Variants in PCDHGA11 observed in about 807,000 individuals in gnomAD.
PCDHGA11 encodes the protein protocadherin gamma subfamily A, 11.
In PCDHGA11, 39 loss-of-function variants were observed where a neutral mutation model predicts 60.4. The observed-to-expected ratio is 0.65, with a 90% confidence interval of 0.50 to 0.84. The LOEUF (loss-of-function observed/expected upper bound fraction) is 0.84, where lower values mean the gene tolerates loss of function less well. PCDHGA11 is among the 40% of genes least tolerant of loss of function. PCDHGA11 has a pLI of 0.00. For missense variants in PCDHGA11, 1,165 were observed against 1,197.7 expected (o/e 0.97, Z 0.40); for synonymous variants, 533 against 510.3 (o/e 1.04, Z -0.60).
chr5:141,421,794 G>A lies in PCDHGA11; in HGVS notation c.567G>A (p.Gly189=). ...FSLQLRGRTD[G]AKNPELVLEG... is the part of the protein sequence containing the mutation. ...TGCAACTGCGGGGCAGAACGGATGG[G>A]GCCAAGAATCCAGAGCTAGTACTGG... is the stretch of plus-strand genomic sequence containing the variant. Residue 189 remains glycine, a synonymous_variant, in exon 1 of 4, where the codon GGG becomes GGA. Coordinates refer to ENST00000398587, the MANE Select transcript of PCDHGA11 (RefSeq NM_018914.3). 6.2e-7 allele frequency: 1 copy of A among 1,613,788 alleles called. No individual in the cohort carries two copies. Among genetic ancestry groups the A allele is most frequent in the Non-Finnish European group, 8.5e-7 (1 of 1,179,876 alleles).
chr5:141,423,661 GT>G lies in PCDHGA11; in HGVS notation c.2433+2del. ...CAAATGTGACCCGACAAGTAATCAG[GT>G]GAGATTTATTTCTCTGCCTCCTAAT... On this transcript the variant is annotated splice_donor_variant, in intron 1 of 3. Coordinates refer to ENST00000398587, the MANE Select transcript of PCDHGA11 (RefSeq NM_018914.3). LOFTEE classifies it high-confidence loss of function. The G allele has an allele frequency of 6.4e-7, 1 of 1,555,760 alleles. No homozygotes were observed.
chr5:141,474,986 A>G (rs1328341214), intron 1 of PCDHGA11, among the ~76,000 whole-genome samples: 1 of 152,238 alleles, frequency 6.6e-6, no homozygotes, highest in Non-Finnish European at 1.5e-5. Context: ...GTTTGGTGAC[A>G]ACAATTCTAA....
chr5:141,492,230 C>T (rs1286145654), intron 1 of PCDHGA11, among the ~76,000 whole-genome samples: 1 of 152,196 alleles, frequency 6.6e-6, no homozygotes. Flanking sequence ...CGTGTCCTCC[C>T]TGCTGGCCAC....
intron 1 of PCDHGA11, chr5:141,433,252 G>T (rs1398141147): frequency 1.4e-6 from 2 of 1,425,340 alleles, no homozygotes; most frequent in Non-Finnish European, 1.9e-6. Flanking sequence ...GGAATGCAGC[G>T]GTACGATCAT....
At chr5:141,444,788 G>T (rs775248284) in intron 1 of PCDHGA11, among the ~76,000 whole-genome samples, 59 of 151,920 alleles carry the variant, frequency 3.9e-4, no homozygotes, top group Non-Finnish European at 5.7e-4. Context: ...TGTTTCATTT[G>T]TCTATTCTTT....
At position 141,432,432 on chromosome 5, in the gene PCDHGA11, A is replaced by G. The variant is rs1431760497; in HGVS notation, c.2433+8772A>G. On this transcript the variant is annotated intron_variant, in intron 1 of 3. Transcript: ENST00000398587. This position sits in a 1 kb window ranked among gnomAD's most constrained non-coding sequence, Gnocchi z 6.0. ...CTGTTCGTGCTGGACCAGAACGACA[A>G]TGCGCCCGAGATCCTGTACCCCGCC... The G allele has an allele frequency of 2.5e-6, 4 of 1,614,156 alleles. No homozygotes were observed. Among genetic ancestry groups the G allele is most frequent in the Non-Finnish European group, 3.4e-6 (4 of 1,180,028 alleles).
Position 141,476,437 on chromosome 5 carries a change from TCTGGAGTTGGTAGTGGAGAACCC to T in PCDHGA11, c.2434-18369_2434-18347del. ...GGACACTGCCCTCTTGCACTGTAAC[TCTGGAGTTGGTAGTGGAGAACCC>T]GCTGGAGCTGTTCAGCGTGGAAGTG... On this transcript the variant is annotated intron_variant, in intron 1 of 3. Transcript: ENST00000398587. The surrounding 1 kb of genome is among the most constrained non-coding windows in gnomAD (Gnocchi z 7.6). 1 of 1,614,004 alleles carries T rather than the reference TCTGGAGTTGGTAGTGGAGAACCC, an allele frequency of 6.2e-7. No individual in the cohort carries two copies. The highest frequency in any genetic ancestry group is 2.2e-5 in the East Asian group (1 of 44,836).
At chr5:141,452,003 T>C (rs1031228207) in intron 1 of PCDHGA11, among the ~76,000 whole-genome samples, 2 of 152,210 alleles carry the variant, frequency 1.3e-5, no homozygotes, top group Non-Finnish European at 2.9e-5. Context: ...CAAAATCACT[T>C]GGTCCAGCCC....
At position 141,477,226 on chromosome 5, in the gene PCDHGA11, C is replaced by G. The variant is rs779570150; in HGVS notation, c.2434-17581C>G. 59 of 1,614,076 alleles carry G rather than the reference C, an allele frequency of 3.7e-5. No homozygotes were observed. The highest frequency in any genetic ancestry group is 1.3e-4 in the Admixed American group (8 of 60,004). On this transcript the variant is annotated intron_variant, in intron 1 of 3. Coordinates refer to ENST00000398587, the MANE Select transcript of PCDHGA11 (RefSeq NM_018914.3). This position sits in a 1 kb window ranked among gnomAD's most constrained non-coding sequence, Gnocchi z 4.9. ...CCGAGGATGCCCCTCTGGGGACTGT[C>G]ATCGCTTTGCTCAGTGTGACTGACC...
chr5:141,446,353 T>C (rs1278613929), intron 1 of PCDHGA11, among the ~76,000 whole-genome samples: 2 of 152,176 alleles, frequency 1.3e-5, no homozygotes, highest in Non-Finnish European at 2.9e-5. Flanking sequence ...AAGCTACCAT[T>C]TGATGAGAAT....
chr5:141,433,587 G>A (rs1228017153), intron 1 of PCDHGA11, among the ~76,000 whole-genome samples: 1 of 152,068 alleles, frequency 6.6e-6, no homozygotes, highest in African/African-American at 2.4e-5. Flanking sequence ...TGTAATCCCA[G>A]TACTTTGGGA....
chr5:141,489,359 AG>A lies in PCDHGA11; in HGVS notation c.2434-5447del. On this transcript the variant is annotated intron_variant, in intron 1 of 3. Coordinates refer to ENST00000398587, the MANE Select transcript of PCDHGA11 (RefSeq NM_018914.3). The surrounding 1 kb of genome is among the most constrained non-coding windows in gnomAD (Gnocchi z 4.5). ...CGTTACTCAGTGGTGGAGGAGTCTG[AG>A]CCGGGGACGCTGGTGGGGAATGTTG... 1 of 1,613,110 alleles carries A rather than the reference AG, an allele frequency of 6.2e-7. No homozygotes were observed. The highest frequency in any genetic ancestry group is 1.1e-5 in the South Asian group (1 of 90,984).
chr5:141,421,320 G>C lies in PCDHGA11; in HGVS notation c.93G>C (p.Gln31His), dbSNP rs1561793188. The change falls in exon 1 of 4, where the codon CAG (glutamine) becomes CAC (histidine). Residue 31 changes from glutamine to histidine, a missense_variant. Transcript: ENST00000398587. ...LGTLRGFRAR[Q>H]IRYSVPEETE... ...CGCTGCGGGGGTTCCGGGCCAGGCA[G>C]ATCCGATATTCGGTGCCAGAAGAGA... The C allele has an allele frequency of 6.2e-7, 1 of 1,613,904 alleles. No individual in the cohort carries two copies. Among genetic ancestry groups the C allele is most frequent in the East Asian group, 2.2e-5 (1 of 44,884 alleles).
rs540471918 is a variant in PCDHGA11 at position 141,433,283 on chromosome 5, T to C, written c.2433+9623T>C. ...ATCATAGCTCACTGCAGCCTCAAAC[T>C]CCTAGGCTCAAGCAATTATCCCACC... On this transcript the variant is annotated intron_variant, in intron 1 of 3. Coordinates refer to ENST00000398587, the MANE Select transcript of PCDHGA11 (RefSeq NM_018914.3). The C allele has an allele frequency of 4.2e-5, 50 of 1,183,074 alleles. No homozygotes were observed. In the Admixed American group the frequency reaches 7.9e-4, roughly 19 times the overall value. 73.3% of individuals were successfully genotyped at this position (1,183,074 alleles called of 1,614,324 possible).
At chr5:141,461,757 G>A (rs2099022119) in intron 1 of PCDHGA11, among the ~76,000 whole-genome samples, 1 of 151,994 alleles carries the variant, frequency 6.6e-6, no homozygotes, top group Non-Finnish European at 1.5e-5. Context: ...AGATTCAAGC[G>A]ATTCTCCTGC....
intron 1 of PCDHGA11, among the ~76,000 whole-genome samples, chr5:141,484,389 G>A (rs1336850919): frequency 6.6e-6 from 1 of 152,140 alleles, no homozygotes; most frequent in Non-Finnish European, 1.5e-5. Flanking sequence ...GAATAAGAAA[G>A]GTTTGGTTTC....
intron 2 of PCDHGA11, among the ~76,000 whole-genome samples, chr5:141,500,881 T>G (rs940387787): frequency 1.0e-5 from 1 of 99,136 alleles, no homozygotes; most frequent in Non-Finnish European, 1.9e-5. Context: ...TTTACAATTT[T>G]TTTTTTTTGA....
rs368927472 is a variant in PCDHGA11 at position 141,490,874 on chromosome 5, A to G, written c.2434-3933A>G. The G allele has an allele frequency of 2.4e-5, 39 of 1,613,830 alleles. No individual in the cohort carries two copies. Among genetic ancestry groups the G allele is most frequent in the Non-Finnish European group, 3.1e-5 (36 of 1,179,960 alleles). ...CGAGACTCCGGCTCTCCCCCATTGCATGCCAACACATCTCTGCATGTGTTT... is the reference window on the plus strand; with the variant it reads ...CGAGACTCCGGCTCTCCCCCATTGCGTGCCAACACATCTCTGCATGTGTTT... On this transcript the variant is annotated intron_variant, in intron 1 of 3. Transcript: ENST00000398587. This position sits in a 1 kb window ranked among gnomAD's most constrained non-coding sequence, Gnocchi z 5.4.
rs768559201 is a variant in PCDHGA11, at chr5:141,431,344, G to A, written c.2433+7684G>A. Reference sequence around the variant, plus strand: ...ACGGTAGTAAGTACCCCGAATTGGTGCTGAAACGCGCCCTGGACCGCGAAG... The same window carrying A: ...ACGGTAGTAAGTACCCCGAATTGGTACTGAAACGCGCCCTGGACCGCGAAG... On this transcript the variant is annotated intron_variant, in intron 1 of 3. Coordinates refer to ENST00000398587, the MANE Select transcript of PCDHGA11 (RefSeq NM_018914.3). The surrounding 1 kb of genome is among the most constrained non-coding windows in gnomAD (Gnocchi z 4.8). 3.9e-5 allele frequency: 63 copies of A among 1,614,078 alleles called. No homozygotes were observed. Among genetic ancestry groups the A allele is most frequent in the Non-Finnish European group, 5.0e-5 (59 of 1,180,044 alleles).
Sources: gnomAD v4.1 joint callset for allele counts (sites outside exome capture counted in the v4.1 genomes callset) on GRCh38, gnomAD v4.1.1 for gene constraint, Gnocchi (gnomAD v3.1) non-coding constraint, MANE v1.5 for transcripts, NCBI Gene and HGNC (gene_info 2026-07-23, HGNC 2026-07-21) for gene names.